Variants in SHC4 observed in about 807,000 individuals in gnomAD.
SHC4 encodes the protein SHC-transforming protein 4.
A neutral mutation model predicts 69.4 loss-of-function variants in SHC4; 41 were observed. The ratio of observed to expected loss-of-function variants is 0.59; its 90% CI spans 0.46 to 0.77. The LOEUF (loss-of-function observed/expected upper bound fraction) is 0.77. Among genes scored for constraint, SHC4 ranks in the 30% least tolerant of loss-of-function variants. The pLI, the probability that SHC4 is intolerant of heterozygous loss-of-function variation, is 0.00. For missense variants in SHC4, 777 were observed against 783.8 expected (o/e 0.99, Z 0.10); for synonymous variants, 318 against 299.3 (o/e 1.06, Z -0.64).
intron 1 of SHC4, among the ~76,000 whole-genome samples, chr15:48,959,328 G>A (rs947233609): frequency 6.6e-6 from 1 of 151,966 alleles, no homozygotes; most frequent in African/African-American, 2.4e-5. Context: ...ACCTATCTCC[G>A]CTCACTAAAA....
intron 1 of SHC4, among the ~76,000 whole-genome samples, chr15:48,948,547 G>A (rs1349681196): frequency 6.6e-6 from 1 of 152,210 alleles, no homozygotes; most frequent in African/African-American, 2.4e-5. Flanking sequence ...CATTGTAATT[G>A]CTGTATATGG....
At chr15:48,839,131 A>G (rs1323890913) in intron 10 of SHC4, among the ~76,000 whole-genome samples, 1 of 152,188 alleles carries the variant, frequency 6.6e-6, no homozygotes, top group African/African-American at 2.4e-5. Context: ...AAAGGAGAAA[A>G]TTACCAATAA....
intron 2 of SHC4, among the ~76,000 whole-genome samples, chr15:48,897,756 G>GACACACACACACACACACACACACACAC (rs138796905): frequency 1.2e-4 from 16 of 139,066 alleles, no homozygotes; most frequent in African/African-American, 3.6e-4. Flanking sequence ...CCCACCTTCT[G>GACACACACACACACACACACACACACAC]ACACACACAC....
rs973141643 is a variant in SHC4 at position 48,840,824 on chromosome 15, T to C, written c.1483+2585A>G. 9.2e-5 allele frequency among the ~76,000 whole-genome samples: 14 copies of C among 152,144 alleles called. No homozygotes were observed. In the South Asian group the frequency reaches 1.4e-3, roughly 16 times the overall value. The stretch of plus-strand genomic sequence containing the variant: ...GGCAGCAAGGAGCCCAAGAGCGCTA[T>C]GGTACATTAAATCCTAATAGGAAAT... On this transcript the variant is annotated intron_variant, in intron 10 of 11. Coordinates refer to ENST00000332408, the MANE Select transcript of SHC4 (RefSeq NM_203349.4).
Position 48,963,573 on chromosome 15 carries a change from A to C in SHC4, c.-558T>G, listed in dbSNP as rs1227565816. ...GGAAAAAAAAATGTATCTATGAACCAAAGGCCCTTTTGCCTGGGTTCGTTG... is the reference window on the plus strand; with the variant it reads ...GGAAAAAAAAATGTATCTATGAACCCAAGGCCCTTTTGCCTGGGTTCGTTG... On this transcript the variant is annotated 5_prime_UTR_variant, in exon 1 of 12. Coordinates refer to ENST00000332408, the MANE Select transcript of SHC4 (RefSeq NM_203349.4). The C allele has an allele frequency of 6.5e-6, 1 of 152,758 alleles. No individual in the cohort carries two copies. Among genetic ancestry groups the C allele is most frequent in the African/African-American group, 2.4e-5 (1 of 41,472 alleles). 9.5% of individuals were successfully genotyped at this position (152,758 alleles called of 1,614,324 possible).
intron 2 of SHC4, among the ~76,000 whole-genome samples, chr15:48,899,073 G>T (rs555903817): frequency 6.7e-5 from 10 of 150,214 alleles, no homozygotes; most frequent in Non-Finnish European, 1.5e-4. Context: ...CCGAAAACAG[G>T]TCTTACTTAG....
chr15:48,920,991 G>GGAGGAA (rs1900742088), intron 2 of SHC4, among the ~76,000 whole-genome samples: 1 of 151,842 alleles, frequency 6.6e-6, no homozygotes, highest in Non-Finnish European at 1.5e-5. Flanking sequence ...AGGAGGAGGA[G>GGAGGAA]GAGGAAGAGG....
chr15:48,834,867 A>C lies in SHC4; in HGVS notation c.1639T>G (p.Leu547Val). 2 of 1,614,112 alleles carry C rather than the reference A, an allele frequency of 1.2e-6. No homozygotes were observed. The highest frequency in any genetic ancestry group is 1.7e-6 in the Non-Finnish European group (2 of 1,180,004). ...GGGGATGTTGCACTCTCTCGAACCA[A>C]AAAGTCCCCATCCTTTACCAAGAGG... The part of the protein sequence containing the change: ...ESLLVKDGDF[L>V]VRESATSPGQ... The change falls in exon 11 of 12, where the codon TTG (leucine) becomes GTG (valine). Residue 547 changes from leucine to valine, a missense_variant. Transcript: ENST00000332408.
chr15:48,954,608 C>T (rs533704270), intron 1 of SHC4, among the ~76,000 whole-genome samples: 13 of 152,182 alleles, frequency 8.5e-5, no homozygotes, highest in Non-Finnish European at 1.9e-4. Context: ...AAACATTAGG[C>T]AGCTTTAGAG....
At chr15:48,879,275 T>C (rs1825315511) in intron 4 of SHC4, 1 of 168,200 alleles carries the variant, frequency 5.9e-6, no homozygotes, top group Non-Finnish European at 1.5e-5. Context: ...GTAAGATAAA[T>C]GGATGAGTAA....
intron 5 of SHC4, among the ~76,000 whole-genome samples, chr15:48,869,422 G>A (rs1595738725): frequency 6.6e-6 from 1 of 152,148 alleles, no homozygotes; most frequent in African/African-American, 2.4e-5. Flanking sequence ...TCCTACCCTT[G>A]TACACAGTTC....
chr15:48,915,025 C>T (rs1162535403), intron 2 of SHC4, among the ~76,000 whole-genome samples: 3 of 152,220 alleles, frequency 2.0e-5, no homozygotes, highest in African/African-American at 7.2e-5. Context: ...TTCAGAGAAA[C>T]ATCTGTTCAA....
intron 1 of SHC4, among the ~76,000 whole-genome samples, chr15:48,942,241 C>T (rs1305501851): frequency 6.6e-6 from 1 of 152,044 alleles, no homozygotes; most frequent in Non-Finnish European, 1.5e-5. Flanking sequence ...TTGTCCCAAC[C>T]CCTTTATTTC....
At chr15:48,829,797 T>C (rs1232668077) in intron 11 of SHC4, among the ~76,000 whole-genome samples, 1 of 152,220 alleles carries the variant, frequency 6.6e-6, no homozygotes, top group Non-Finnish European at 1.5e-5. Context: ...CGCACCCCTG[T>C]GGTCCCAGCT....
chr15:48,943,862 A>C (rs1901222254), intron 1 of SHC4, among the ~76,000 whole-genome samples: 1 of 152,084 alleles, frequency 6.6e-6, no homozygotes, highest in Admixed American at 6.5e-5. Flanking sequence ...TTTTCCTTGA[A>C]GTCCTACCCA....
rs184468333 is a variant in SHC4 at position 48,930,030 on chromosome 15, A to G, written c.586-5081T>C. 2.4e-3 allele frequency among the ~76,000 whole-genome samples: 366 copies of G among 152,302 alleles called. 2 individuals are homozygous for G. The highest frequency in any genetic ancestry group is 8.6e-3 in the African/African-American group (356 of 41,564). ...AAGAAATTACTGGGATTTTCAGAGG[A>G]AAGGAATGATAGTTACTTATGGGAA... On this transcript the variant is annotated intron_variant, in intron 1 of 11. Transcript: ENST00000332408.
chr15:48,835,732 C>A (rs1898886543), intron 10 of SHC4, among the ~76,000 whole-genome samples: 1 of 152,126 alleles, frequency 6.6e-6, no homozygotes, highest in Non-Finnish European at 1.5e-5. Context: ...GGGAAGGGAC[C>A]TCCAGTTAGC....
chr15:48,878,515 A>G (rs770668281), intron 4 of SHC4: 1 of 1,613,962 alleles, frequency 6.2e-7, no homozygotes, highest in African/African-American at 1.3e-5. Context: ...ACTATCCCGA[A>G]GAGGAGCAGC....
chr15:48,852,005 A>G (rs897742001), intron 8 of SHC4, among the ~76,000 whole-genome samples: 3 of 152,208 alleles, frequency 2.0e-5, no homozygotes, highest in Admixed American at 2.0e-4. Context: ...GTGTGAGAAA[A>G]ACAGAAGATT....
Sources: gnomAD v4.1 joint callset for allele counts (sites outside exome capture counted in the v4.1 genomes callset) on GRCh38, gnomAD v4.1.1 for gene constraint, MANE v1.5 for transcripts, NCBI Gene and HGNC (gene_info 2026-07-23, HGNC 2026-07-21) for gene names.